Variants in PRP4K observed in about 807,000 individuals in gnomAD.
PRP4K encodes pre-mRNA processing factor kinase PRP4K, also known as serine/threonine-protein kinase PRP4 homolog.
chr6:4,022,307 A>AG, the PRP4K span, among the ~76,000 whole-genome samples: 2 of 151,000 alleles, frequency 1.3e-5, no homozygotes, highest in African/African-American at 4.9e-5. Context: ...GAAAAATGAA[A>AG]AAAAAAAAAA....
At chr6:4,034,157 A>T in the PRP4K span, among the ~76,000 whole-genome samples, 1 of 150,236 alleles carries the variant, frequency 6.7e-6, no homozygotes, top group African/African-American at 2.5e-5. Flanking sequence ...ATATAAGGGA[A>T]TTTTTTTTTT....
the PRP4K span, chr6:4,057,178 G>A: frequency 6.2e-7 from 1 of 1,611,548 alleles, no homozygotes; most frequent in Non-Finnish European, 8.5e-7. Context: ...AAGGAAAGAT[G>A]CCAAATAAGG....
At chr6:4,062,834 A>G in the PRP4K span, 4 of 152,636 alleles carry the variant, frequency 2.6e-5, no homozygotes, top group African/African-American at 7.2e-5. This position sits in a 1 kb window ranked among gnomAD's most constrained non-coding sequence, Gnocchi z 4.2. Flanking sequence ...ACCTTAATGA[A>G]ATGGGTAGTG....
chr6:4,064,625 C>T, the PRP4K span: 1 of 152,452 alleles, frequency 6.6e-6, no homozygotes, highest in Admixed American at 6.5e-5. Context: ...AGCATATATT[C>T]AACATGAATT....
chr6:4,028,658 G>A, the PRP4K span, among the ~76,000 whole-genome samples: 1 of 152,194 alleles, frequency 6.6e-6, no homozygotes. Context: ...TTCACCAGAG[G>A]ACGTAGCTTC....
the PRP4K span, among the ~76,000 whole-genome samples, chr6:4,027,605 G>GTGA: frequency 9.2e-6 from 1 of 108,188 alleles, no homozygotes; most frequent in African/African-American, 3.4e-5. Context: ...AGGGGTGGGG[G>GTGA]GGTGGGGTGG....
chr6:4,060,586 A>G, the PRP4K span: 2 of 1,613,920 alleles, frequency 1.2e-6, no homozygotes, highest in Non-Finnish European at 1.7e-6. The surrounding 1 kb of genome is among the most constrained non-coding windows in gnomAD (Gnocchi z 4.7). Context: ...ACCAGGCCCT[A>G]CAGCACGCCT....
chr6:4,058,829 T>C, the PRP4K span: 12 of 1,561,840 alleles, frequency 7.7e-6, no homozygotes, highest in Non-Finnish European at 1.1e-5. Context: ...GTGTTTTAAA[T>C]GCAGCATGCA....
At chr6:4,035,222 T>G in the PRP4K span, among the ~76,000 whole-genome samples, 1 of 149,708 alleles carries the variant, frequency 6.7e-6, no homozygotes, top group South Asian at 2.1e-4. Context: ...GTTCAAGCAA[T>G]TCTCCTGCCT....
chr6:4,040,791 AGATCACGCTTGCGAAGGCGGTCTC>A, the PRP4K span: 2 of 1,613,966 alleles, frequency 1.2e-6, no homozygotes, highest in Non-Finnish European at 1.7e-6. Context: ...TCGGAGGAGC[AGATCACGCTTGCGAAGGCGGTCTC>A]GATCACGCGG....
the PRP4K span, among the ~76,000 whole-genome samples, chr6:4,025,697 T>C: frequency 0.7 from 106,633 of 152,104 alleles, 37,479 homozygotes; most frequent in East Asian, 0.77. Context: ...AGCTAGATTT[T>C]CTGTTGATAG....
chr6:4,052,177 G>A, the PRP4K span: 2 of 1,402,772 alleles, frequency 1.4e-6, no homozygotes, highest in South Asian at 3.2e-5. Context: ...TGCTGTAACA[G>A]ATTTTCTGCG....
the PRP4K span, among the ~76,000 whole-genome samples, chr6:4,052,367 T>C: frequency 6.6e-6 from 1 of 152,058 alleles, no homozygotes; most frequent in Non-Finnish European, 1.5e-5. Context: ...CAACAGAGAG[T>C]CTCTCTTAAA....
chr6:4,024,697 G>A, the PRP4K span, among the ~76,000 whole-genome samples: 1 of 152,118 alleles, frequency 6.6e-6, no homozygotes, highest in Non-Finnish European at 1.5e-5. Context: ...CTGCGTCCCA[G>A]GTTCAAGTGA....
chr6:4,052,963 C>T, the PRP4K span: 1 of 1,225,922 alleles, frequency 8.2e-7, no homozygotes, highest in Non-Finnish European at 1.1e-6. Flanking sequence ...GAAACGACAT[C>T]TTAGAAGCAT....
At chr6:4,060,950 G>A in the PRP4K span, 1 of 260,572 alleles carries the variant, frequency 3.8e-6, no homozygotes. This position sits in a 1 kb window ranked among gnomAD's most constrained non-coding sequence, Gnocchi z 4.7. Flanking sequence ...TAGCAGACTT[G>A]GCTTCATTTT....
chr6:4,025,193 G>T, the PRP4K span, among the ~76,000 whole-genome samples: 3 of 152,158 alleles, frequency 2.0e-5, no homozygotes, highest in African/African-American at 7.2e-5. Context: ...AAATGTTAAT[G>T]TTAAAGCGTA....
At chr6:4,030,318 T>C in the PRP4K span, among the ~76,000 whole-genome samples, 1 of 152,126 alleles carries the variant, frequency 6.6e-6, no homozygotes, top group Non-Finnish European at 1.5e-5. Context: ...TTAAAGAGAT[T>C]GTGAGTAGAC....
At chr6:4,061,967 T>G in the PRP4K span, 1 of 152,642 alleles carries the variant, frequency 6.6e-6, no homozygotes, top group African/African-American at 2.4e-5. Flanking sequence ...AAACCATAAA[T>G]AGTTAAAAGC....
Sources: gnomAD v4.1 joint callset for allele counts (sites outside exome capture counted in the v4.1 genomes callset) on GRCh38, gnomAD v4.1.1 for gene constraint, Gnocchi (gnomAD v3.1) non-coding constraint, MANE v1.5 for transcripts, NCBI Gene and HGNC (gene_info 2026-07-23, HGNC 2026-07-21) for gene names.